VDAC1: variants seen among roughly 807,000 people sequenced by gnomAD.
VDAC1 encodes the protein voltage dependent anion channel 1.
In VDAC1, 10 loss-of-function variants were observed where a neutral mutation model predicts 34.7. That is an observed-to-expected ratio of 0.29 (90% CI 0.18 to 0.49). VDAC1 has a LOEUF of 0.49. VDAC1 is among the 20% of genes least tolerant of loss of function. The pLI is 0.99. For missense variants in VDAC1, 230 were observed against 347.9 expected (o/e 0.66, Z 2.69); for synonymous variants, 130 against 136.0 (o/e 0.96, Z 0.30).
At chr5:133,989,990 C>T (rs928612906) in intron 5 of VDAC1, among the ~76,000 whole-genome samples, 2 of 152,186 alleles carry the variant, frequency 1.3e-5, no homozygotes, top group South Asian at 2.1e-4. Context: ...AAATTCAGTA[C>T]ATGCCCTTGA....
At chr5:133,992,747 C>A (rs1209359176) in intron 2 of VDAC1, among the ~76,000 whole-genome samples, 199 bp downstream of exon 2, 1 of 152,268 alleles carries the variant, frequency 6.6e-6, no homozygotes, top group Non-Finnish European at 1.5e-5. Flanking sequence ...CACTTGACAG[C>A]ACCAATGCAG....
the VDAC1 span, among the ~76,000 whole-genome samples, chr5:134,088,844 C>T: frequency 6.6e-6 from 1 of 152,190 alleles, no homozygotes; most frequent in Admixed American, 6.5e-5. Context: ...GCTTACCTCT[C>T]CCCTAACACC....
chr5:134,060,010 C>G, the VDAC1 span, among the ~76,000 whole-genome samples: 1 of 151,748 alleles, frequency 6.6e-6, no homozygotes, highest in Non-Finnish European at 1.5e-5. Flanking sequence ...CCTTCTGCAC[C>G]CTGCACGCCC....
At chr5:134,072,269 C>A in the VDAC1 span, among the ~76,000 whole-genome samples, 1 of 152,048 alleles carries the variant, frequency 6.6e-6, no homozygotes, top group Non-Finnish European at 1.5e-5. Flanking sequence ...GTTACCCAAC[C>A]AGAGAGAGAG....
chr5:134,062,782 A>G, the VDAC1 span, among the ~76,000 whole-genome samples: 3 of 151,404 alleles, frequency 2.0e-5, no homozygotes, highest in Non-Finnish European at 4.4e-5. Flanking sequence ...GCCCACCACC[A>G]TGCTCAGCTA....
intron 5 of VDAC1, among the ~76,000 whole-genome samples, chr5:133,982,466 C>G (rs1246043038): frequency 6.7e-6 from 1 of 149,688 alleles, no homozygotes; most frequent in South Asian, 2.1e-4. Context: ...GAGCCGAGAT[C>G]GCGCCACTGC....
chr5:133,999,288 A>C (rs1018652624), intron 1 of VDAC1, among the ~76,000 whole-genome samples: 2 of 152,228 alleles, frequency 1.3e-5, no homozygotes, highest in African/African-American at 4.8e-5. Flanking sequence ...CTCAGCTAAA[A>C]ACAGCTGGGA....
At chr5:134,020,694 T>G in the VDAC1 span, among the ~76,000 whole-genome samples, 1 of 151,788 alleles carries the variant, frequency 6.6e-6, no homozygotes, top group South Asian at 2.1e-4. Flanking sequence ...GTTTGTTTTT[T>G]GAGGTGGAGT....
At chr5:133,972,918 C>T in intron 8 of VDAC1, 56 bp from the exon 9 acceptor site, 2 of 1,453,436 alleles carry the variant, frequency 1.4e-6, no homozygotes, top group South Asian at 1.2e-5. Flanking sequence ...AAAGAAATGA[C>T]AAGAAAGATT....
chr5:134,072,454 T>C, the VDAC1 span, among the ~76,000 whole-genome samples: 1 of 152,156 alleles, frequency 6.6e-6, no homozygotes, highest in African/African-American at 2.4e-5. Context: ...CTTCGCTACC[T>C]GCAACAAACA....
chr5:134,093,455 T>C, the VDAC1 span, among the ~76,000 whole-genome samples: 1 of 152,174 alleles, frequency 6.6e-6, no homozygotes, highest in Non-Finnish European at 1.5e-5. Context: ...GTTTATAGCA[T>C]GTCCACAGGA....
the VDAC1 span, among the ~76,000 whole-genome samples, chr5:134,014,152 G>A: frequency 2.4e-3 from 367 of 152,038 alleles, no homozygotes; most frequent in South Asian, 4.6e-3. Flanking sequence ...ACCCAGGTGT[G>A]GTGGCACGCG....
At chr5:134,046,704 C>A in the VDAC1 span, among the ~76,000 whole-genome samples, 1 of 152,128 alleles carries the variant, frequency 6.6e-6, no homozygotes, top group Admixed American at 6.5e-5. Context: ...TGGGCAGCAC[C>A]TCAGGGGAAA....
At chr5:133,999,602 T>C (rs1753462238) in intron 1 of VDAC1, among the ~76,000 whole-genome samples, 3 of 152,050 alleles carry the variant, frequency 2.0e-5, no homozygotes, top group Admixed American at 1.3e-4. Flanking sequence ...ACCCCGAGTC[T>C]CCCTCCCTGC....
chr5:134,089,420 A>G, the VDAC1 span, among the ~76,000 whole-genome samples: 1 of 152,174 alleles, frequency 6.6e-6, no homozygotes, highest in Non-Finnish European at 1.5e-5. Flanking sequence ...CCCTTATCCA[A>G]TGTGGTTCCC....
At chr5:134,079,749 C>G in the VDAC1 span, among the ~76,000 whole-genome samples, 1 of 152,184 alleles carries the variant, frequency 6.6e-6, no homozygotes, top group African/African-American at 2.4e-5. Flanking sequence ...AGTTGCTGCC[C>G]CAGGCCTTCC....
chr5:134,113,851 C>A, the VDAC1 span, among the ~76,000 whole-genome samples: 61 of 152,330 alleles, frequency 4.0e-4, no homozygotes, highest in African/African-American at 1.5e-3. Flanking sequence ...TCCCTAAATG[C>A]GACTTCTAGG....
chr5:134,110,123 A>G, the VDAC1 span, among the ~76,000 whole-genome samples: 1 of 152,240 alleles, frequency 6.6e-6, no homozygotes, highest in Non-Finnish European at 1.5e-5. Flanking sequence ...AACCCATGGG[A>G]ATAGTCCTAA....
At chr5:134,022,726 C>T in the VDAC1 span, among the ~76,000 whole-genome samples, 934 of 152,314 alleles carry the variant, frequency 6.1e-3, 6 homozygotes, top group Admixed American at 9.9e-3. Flanking sequence ...ATGAGACATC[C>T]AGACTTCATC....
Sources: gnomAD v4.1 joint callset for allele counts (sites outside exome capture counted in the v4.1 genomes callset) on GRCh38, gnomAD v4.1.1 for gene constraint, MANE v1.5 for transcripts, NCBI Gene and HGNC (gene_info 2026-07-23, HGNC 2026-07-21) for gene names.